SPG11: variants seen among roughly 807,000 people sequenced by gnomAD.
SPG11 encodes the protein SPG11 vesicle trafficking associated, spatacsin, also known as spatacsin.
In SPG11, 222 loss-of-function variants were observed where a neutral mutation model predicts 274.0. The observed-to-expected ratio is 0.81, with a 90% CI of 0.73 to 0.91. SPG11 has a LOEUF of 0.91. SPG11 is among the 40% of genes least tolerant of loss of function. The probability of loss-of-function intolerance (pLI) is 0.00; values close to 1 mark genes in which losing one functional copy is unlikely to be tolerated. For missense variants in SPG11, 3,114 were observed against 2,872.7 expected, an observed-to-expected ratio of 1.08 and a Z score of -1.92; for synonymous variants, 1,144 against 1,039.7, an observed-to-expected ratio of 1.10 and a Z score of -1.93.
chr15:44,625,132 C>CT (rs1480971816), intron 11 of SPG11, among the ~76,000 whole-genome samples: 9 of 142,736 alleles, frequency 6.3e-5, no homozygotes, highest in African/African-American at 2.3e-4. Flanking sequence ...GAAACTCTGT[C>CT]TCAAAAAAAA....
chr15:44,641,100 A>T (rs1450533346), intron 7 of SPG11, among the ~76,000 whole-genome samples: 1 of 152,236 alleles, frequency 6.6e-6, no homozygotes, highest in African/African-American at 2.4e-5. Flanking sequence ...CATATCATGT[A>T]TAAGTTTTAA....
chr15:44,661,366 T>C (rs1378033606), intron 1 of SPG11, among the ~76,000 whole-genome samples: 1 of 152,138 alleles, frequency 6.6e-6, no homozygotes, highest in Non-Finnish European at 1.5e-5. Flanking sequence ...AGCCCCAGAT[T>C]TGAAAATAAC....
At chr15:44,661,092 C>T (rs2085091993) in intron 1 of SPG11, among the ~76,000 whole-genome samples, 1 of 152,112 alleles carries the variant, frequency 6.6e-6, no homozygotes, top group Non-Finnish European at 1.5e-5. Context: ...CCTAATAGAA[C>T]CTTCCGTGAT....
chr15:44,592,757 T>C (rs1347221985), intron 26 of SPG11, among the ~76,000 whole-genome samples: 1 of 151,808 alleles, frequency 6.6e-6, no homozygotes, highest in Non-Finnish European at 1.5e-5. Context: ...GAGGTGGAGG[T>C]TGCAATGAGC....
At chr15:44,587,316 C>T (rs1403787547) in intron 28 of SPG11, among the ~76,000 whole-genome samples, 1 of 152,108 alleles carries the variant, frequency 6.6e-6, no homozygotes, top group Non-Finnish European at 1.5e-5. Flanking sequence ...TCCAGTGCCA[C>T]CTGCTGGGCA....
chr15:44,641,625 AC>A (rs1349267282), intron 7 of SPG11, among the ~76,000 whole-genome samples: 3 of 151,312 alleles, frequency 2.0e-5, no homozygotes, highest in African/African-American at 7.3e-5. Flanking sequence ...ACACACACAC[AC>A]ACACACAAAA....
At chr15:44,660,381 T>G in intron 2 of SPG11, 51 bp downstream of exon 2, 1 of 1,532,224 alleles carries the variant, frequency 6.5e-7, no homozygotes, top group East Asian at 2.2e-5. Flanking sequence ...TGTAACTACA[T>G]GGTAATGTCA....
chr15:44,663,347 G>A (rs1342491458), intron 1 of SPG11, 44 bp downstream of exon 1: 3 of 1,588,268 alleles, frequency 1.9e-6, no homozygotes, highest in Non-Finnish European at 2.6e-6. Flanking sequence ...GCCGAGCCTA[G>A]GCTCTGGACT....
rs2085177672 is a variant in SPG11, at chr15:44,663,397, A to C, written c.251T>G (p.Phe84Cys). 1 of 1,607,796 alleles carries C rather than the reference A, an allele frequency of 6.2e-7. No homozygotes were observed. Among genetic ancestry groups the C allele is most frequent in the Non-Finnish European group, 8.5e-7 (1 of 1,177,798 alleles). Reference sequence around the variant, plus strand: ...ACTCTCCCTCAGCACTTACTGCCAGAAGGGGCCCTCCAGGCAGCAGCGACC... The same window carrying C: ...ACTCTCCCTCAGCACTTACTGCCAGCAGGGGCCCTCCAGGCAGCAGCGACC... ...GGGRCCLEGP[F>C]WHFLWEDSRN... Residue 84 changes from phenylalanine to cysteine, a missense_variant, in exon 1 of 40, where the codon TTC (phenylalanine) becomes TGC (cysteine). By Grantham distance (205) the Phe-to-Cys change is radical. Transcript: ENST00000261866.
intron 28 of SPG11, among the ~76,000 whole-genome samples, chr15:44,588,102 C>A (rs1054363211): frequency 1.7e-4 from 26 of 152,118 alleles, no homozygotes; most frequent in African/African-American, 6.0e-4. Context: ...AGCTCTCCAG[C>A]TGAACATCTG....
In SPG11 at chr15:44,651,965, A is replaced by G. The variant is rs752446578; in HGVS notation, c.1008-26T>C. The G allele has an allele frequency of 2.5e-6, 4 of 1,599,216 alleles. No individual in the cohort carries two copies. In the South Asian group the frequency reaches 4.5e-5, roughly 18 times the overall value. On this transcript the variant is annotated intron_variant, in intron 5 of 39. Transcript: ENST00000261866. The stretch of plus-strand genomic sequence containing the variant: ...CTGGAAACAAGGTAAAATATAACTT[A>G]ACACCTGTCACAGTAAAAGGCACTA...
At chr15:44,629,477 T>A in intron 8 of SPG11, 89 bp from the exon 9 acceptor site, 1 of 1,417,590 alleles carries the variant, frequency 7.1e-7, no homozygotes, top group Admixed American at 1.9e-5. Context: ...TACAATATTT[T>A]TAAACATAAA....
At chr15:44,605,389 T>C (rs1215771758) in intron 20 of SPG11, among the ~76,000 whole-genome samples, 1 of 152,186 alleles carries the variant, frequency 6.6e-6, no homozygotes, top group East Asian at 1.9e-4. Context: ...AGATATTGGG[T>C]ACATACTATG....
Position 44,663,461 on chromosome 15 carries a change from G to A in SPG11, c.187C>T (p.Leu63Phe). The A allele has an allele frequency of 3.1e-6, 5 of 1,597,700 alleles. No individual in the cohort carries two copies. Among genetic ancestry groups the A allele is most frequent in the Non-Finnish European group, 4.3e-6 (5 of 1,172,922 alleles). Residue 63 changes from leucine to phenylalanine, a missense_variant, in exon 1 of 40, where the codon CTC becomes TTC. Transcript: ENST00000261866. The stretch of plus-strand genomic sequence containing the variant: ...CCAGGCGTCAAAGAAAGCACTTGGA[G>A]GCTGCCCGCAGCCGTCAGGCTCCCC... ...ALGSLTAAGS[L>F]QVLSLTPGSR...
chr15:44,604,516 T>C (rs1595870891), intron 20 of SPG11, among the ~76,000 whole-genome samples: 1 of 152,174 alleles, frequency 6.6e-6, no homozygotes, highest in African/African-American at 2.4e-5. Flanking sequence ...GAGGGAAATT[T>C]TACTCTGGCC....
intron 4 of SPG11, among the ~76,000 whole-genome samples, chr15:44,652,802 ATGCCACC>A (rs1471941347): frequency 6.6e-6 from 1 of 151,956 alleles, no homozygotes; most frequent in African/African-American, 2.4e-5. Flanking sequence ...CTGCAGGTGC[ATGCCACC>A]ATGCCTGGCT....
In SPG11 at chr15:44,598,871, A is replaced by C. The variant is rs746746347; in HGVS notation, c.3687-35T>G. ...AAAGGAATCAAAATCACATCAGCAC[A>C]TGAAAATTATGTCTCACCAGGAAAA... On this transcript the variant is annotated intron_variant, in intron 21 of 39. Coordinates refer to ENST00000261866, the MANE Select transcript of SPG11 (RefSeq NM_025137.4). The C allele has an allele frequency of 3.8e-6, 6 of 1,587,868 alleles. No individual in the cohort carries two copies. The Admixed American group carries it at 1.0e-4, about 27-fold the overall frequency.
At position 44,566,325 on chromosome 15, in the gene SPG11, GATT is replaced by G; in HGVS notation, c.6755-23_6755-21del. The G allele has an allele frequency of 6.2e-7, 1 of 1,602,786 alleles. No homozygotes were observed. Among genetic ancestry groups the G allele is most frequent in the Non-Finnish European group, 8.5e-7 (1 of 1,172,880 alleles). On this transcript the variant is annotated intron_variant, in intron 36 of 39. Coordinates refer to ENST00000261866, the MANE Select transcript of SPG11 (RefSeq NM_025137.4). ...TGTCCTCTGTAGGGGAAATAAAGAAGATTTGCCGAGTCTGACTCCCAAAGCTCA... is the reference window on the plus strand; with the variant it reads ...TGTCCTCTGTAGGGGAAATAAAGAAGTGCCGAGTCTGACTCCCAAAGCTCA...
chr15:44,617,368 C>A (rs1322939248), intron 15 of SPG11, among the ~76,000 whole-genome samples: 1 of 152,216 alleles, frequency 6.6e-6, no homozygotes, highest in African/African-American at 2.4e-5. Flanking sequence ...TAGGTGTTAA[C>A]ATCTACCCAG....
Sources: gnomAD v4.1 joint callset for allele counts (sites outside exome capture counted in the v4.1 genomes callset) on GRCh38, gnomAD v4.1.1 for gene constraint, MANE v1.5 for transcripts, NCBI Gene and HGNC (gene_info 2026-07-23, HGNC 2026-07-21) for gene names.